INTS8: variants seen among roughly 807,000 people sequenced by gnomAD.
INTS8 encodes protein kaonashi-1.
Under a neutral mutation model 138.9 loss-of-function variants are expected in INTS8, and 47 were observed. The ratio of observed to expected loss-of-function variants is 0.34; its 90% confidence interval spans 0.27 to 0.43. The LOEUF is 0.43. Ranked by LOEUF, INTS8 falls within the 20% of genes least tolerant of loss-of-function variation. The pLI, the probability that INTS8 is intolerant of heterozygous loss-of-function variation, is 1.00. For synonymous variants in INTS8, 392 were observed against 400.9 expected, an observed-to-expected ratio of 0.98 and a Z score of 0.27; for missense variants, 996 against 1,173.0, an observed-to-expected ratio of 0.85 and a Z score of 2.20.
chr8:94,853,826 A>G lies in INTS8; in HGVS notation c.1663A>G (p.Ser555Gly). 6.2e-7 allele frequency: 1 copy of G among 1,607,964 alleles called. No individual in the cohort carries two copies. The highest frequency in any genetic ancestry group is 8.5e-7 in the Non-Finnish European group (1 of 1,174,430). ...TTAGTGGGAAGTACCTTCTGTCTAT[A>G]GTGGTGTTATCCTGGGAATTAAAGA... Reference protein sequence around the residue: ...SNKWEVPSVYSGVILGIKDNL... With the variant: ...SNKWEVPSVYGGVILGIKDNL... Residue 555 changes from serine to glycine, a missense_variant, in exon 14 of 27, where the codon AGT becomes GGT. Ser to Gly is a moderately conservative substitution (Grantham distance 56). Transcript: ENST00000523731.
chr8:94,854,397 T>G (rs552695144), intron 14 of INTS8, among the ~76,000 whole-genome samples: 240 of 152,298 alleles, frequency 1.6e-3, no homozygotes, highest in African/African-American at 5.5e-3. Flanking sequence ...ATGGTCTTGA[T>G]CAAATGAATA....
chr8:94,859,876 A>G (rs761098003), intron 16 of INTS8: 9 of 416,936 alleles, frequency 2.2e-5, no homozygotes, highest in South Asian at 2.5e-5. Context: ...AACAGATAAC[A>G]CATTGGTGTA....
Position 94,823,450 on chromosome 8 carries a change from GA to G in INTS8, c.20del (p.Asp7AlafsTer45). ...GGGCAGGATGAGCGCGGAGGCGGCG[GA>G]CCGGGAGGCGGCCACCTCCAGCCGG... Reference protein sequence around the residue: MSAEAADREAATSSRPC... With the variant: MSAEAAXREAATSSRPC... On this transcript the variant is annotated frameshift_variant, in exon 1 of 27. Transcript: ENST00000523731. LOFTEE classifies it high-confidence loss of function. 1 of 1,539,304 alleles carries G rather than the reference GA, an allele frequency of 6.5e-7. No individual in the cohort carries two copies. The highest frequency in any genetic ancestry group is 8.7e-7 in the Non-Finnish European group (1 of 1,142,936).
rs571624303 is a variant in INTS8 at position 94,833,647 on chromosome 8, A to G, written c.753+1473A>G. Among the ~76,000 whole-genome samples the G allele has an allele frequency of 5.3e-5, 8 of 152,372 alleles. No homozygotes were observed. In the South Asian group the frequency reaches 6.2e-4, roughly 12 times the overall value. On this transcript the variant is annotated intron_variant, in intron 6 of 26. Transcript: ENST00000523731. ...ATGGTGGATGATACAACCTGAAAAC[A>G]AAACTCCTGTAAAACATCTGTATGT...
At chr8:94,859,272 C>A (rs569024038) in intron 15 of INTS8, among the ~76,000 whole-genome samples, 9 of 151,472 alleles carry the variant, frequency 5.9e-5, no homozygotes, top group African/African-American at 2.2e-4. Flanking sequence ...CAGAGTGAGA[C>A]CCTGTCTCTA....
At chr8:94,858,945 A>T (rs968203255) in intron 15 of INTS8, among the ~76,000 whole-genome samples, 1 of 152,146 alleles carries the variant, frequency 6.6e-6, no homozygotes, top group East Asian at 1.9e-4. Context: ...AACTTGTCCT[A>T]TAGCTTATGC....
chr8:94,853,064 C>T (rs1815610184), intron 13 of INTS8, among the ~76,000 whole-genome samples: 1 of 152,020 alleles, frequency 6.6e-6, no homozygotes. Context: ...GTAATCCCAG[C>T]ACTTTGGGGA....
At chr8:94,834,362 G>GGTGTGTGTGTGTGTGTGTGT (rs35147334) in intron 6 of INTS8, among the ~76,000 whole-genome samples, 2 of 144,464 alleles carry the variant, frequency 1.4e-5, no homozygotes, top group African/African-American at 5.1e-5. Flanking sequence ...TATGTGCATG[G>GGTGTGTGTGTGTGTGTGTGT]GTGTGTGTGT....
At chr8:94,844,070 T>G (rs1815240865) in intron 10 of INTS8, among the ~76,000 whole-genome samples, 1 of 151,516 alleles carries the variant, frequency 6.6e-6, no homozygotes, top group South Asian at 2.1e-4. Flanking sequence ...GGGCCCCCTC[T>G]GTTGCCTGGC....
chr8:94,834,619 G>A (rs1023569307), intron 6 of INTS8, among the ~76,000 whole-genome samples: 1 of 150,998 alleles, frequency 6.6e-6, no homozygotes, highest in Non-Finnish European at 1.5e-5. Flanking sequence ...CAGGAGAATC[G>A]CTTGAACCCG....
Sources: gnomAD v4.1 joint callset for allele counts (sites outside exome capture counted in the v4.1 genomes callset) on GRCh38, gnomAD v4.1.1 for gene constraint, MANE v1.5 for transcripts, NCBI Gene and HGNC (gene_info 2026-07-23, HGNC 2026-07-21) for gene names.